The following CBLB variants were observed in gnomAD, a reference collection of about 807,000 sequenced individuals.
CBLB encodes the protein Cbl proto-oncogene B, also known as E3 ubiquitin-protein ligase CBL-B.
A neutral mutation model predicts 104.9 loss-of-function variants in CBLB; 31 were observed. The observed-to-expected ratio is 0.30, with a 90% CI of 0.22 to 0.40. The LOEUF (loss-of-function observed/expected upper bound fraction) is 0.40, where lower values mean the gene tolerates loss of function less well. Among genes scored for constraint, CBLB ranks in the 10% least tolerant of loss-of-function variants. The pLI is 1.00. For synonymous variants in CBLB, 440 were observed against 422.6 expected (o/e 1.04, Z -0.51); for missense variants, 1,062 against 1,214.6 (o/e 0.87, Z 1.87).
chr3:105,853,690 A>G, intron 2 of CBLB, 26 bp from the exon 3 acceptor site: 1 of 1,493,322 alleles, frequency 6.7e-7, no homozygotes, highest in Non-Finnish European at 9.2e-7. Context: ...AAAATAAAAT[A>G]AGTCATAATA....
intron 3 of CBLB, among the ~76,000 whole-genome samples, chr3:105,782,695 T>A (rs765869941): frequency 6.6e-6 from 1 of 151,634 alleles, no homozygotes; most frequent in Non-Finnish European, 1.5e-5. Flanking sequence ...CAAGCGATTC[T>A]CGTGTCTCAG....
At chr3:105,783,032 A>C (rs1339095553) in intron 3 of CBLB, among the ~76,000 whole-genome samples, 1 of 152,250 alleles carries the variant, frequency 6.6e-6, no homozygotes, top group Non-Finnish European at 1.5e-5. Flanking sequence ...ACATGAAATA[A>C]CATGCCAGCC....
intron 17 of CBLB, among the ~76,000 whole-genome samples, chr3:105,674,543 G>A (rs889874268): frequency 6.6e-6 from 1 of 152,196 alleles, no homozygotes; most frequent in Non-Finnish European, 1.5e-5. Flanking sequence ...ACTGTATTTT[G>A]TGCACTGCAC....
At chr3:105,847,392 CCACACACACA>C (rs112192218) in intron 3 of CBLB, among the ~76,000 whole-genome samples, 9 of 143,438 alleles carry the variant, frequency 6.3e-5, no homozygotes, top group Non-Finnish European at 9.2e-5. Flanking sequence ...TAACCCTCCA[CCACACACACA>C]CACACACACA....
intron 2 of CBLB, among the ~76,000 whole-genome samples, chr3:105,855,680 T>C (rs937407575): frequency 1.3e-5 from 2 of 152,196 alleles, no homozygotes; most frequent in Non-Finnish European, 2.9e-5. Flanking sequence ...AAACTGGAAG[T>C]ATATGCGGTA....
At chr3:105,683,273 C>A (rs572710653) in intron 14 of CBLB, among the ~76,000 whole-genome samples, 38 of 152,236 alleles carry the variant, frequency 2.5e-4, no homozygotes, top group African/African-American at 9.1e-4. Context: ...GAAAAATACA[C>A]ACAGGGAAAG....
rs571422397 is a variant in CBLB, at chr3:105,805,732, A to G, written c.420-29190T>C. Among the ~76,000 whole-genome samples, 3 of 152,290 alleles carry G rather than the reference A, an allele frequency of 2.0e-5. No homozygotes were observed. In the South Asian group the frequency reaches 6.2e-4, roughly 32 times the overall value. On this transcript the variant is annotated intron_variant, in intron 3 of 18. Transcript: ENST00000394030. ...CTCACATGGGTGTTTATCAAAATCC[A>G]TTCATCTCCTAGTGAAACTATCTCC... is the stretch of plus-strand genomic sequence containing the variant.
At chr3:105,846,659 G>A (rs1341552708) in intron 3 of CBLB, among the ~76,000 whole-genome samples, 1 of 152,028 alleles carries the variant, frequency 6.6e-6, no homozygotes, top group South Asian at 2.1e-4. Flanking sequence ...AGAACACTGG[G>A]AGAAGAAATG....
chr3:105,682,483 C>A (rs1017551833), intron 14 of CBLB, among the ~76,000 whole-genome samples: 4 of 152,058 alleles, frequency 2.6e-5, no homozygotes, highest in African/African-American at 9.7e-5. Context: ...GTACTACTTA[C>A]CAGAAAAGTA....
At chr3:105,684,208 G>A (rs186091009) in intron 14 of CBLB, among the ~76,000 whole-genome samples, 178 of 152,292 alleles carry the variant, frequency 1.2e-3, no homozygotes, top group Admixed American at 2.6e-3. Context: ...GCCACCAGCA[G>A]TACTTGAGCC....
intron 16 of CBLB, 100 bp from the exon 17 acceptor site, chr3:105,678,671 A>T: frequency 1.5e-6 from 2 of 1,322,084 alleles, no homozygotes; most frequent in Non-Finnish European, 2.1e-6. Context: ...GCTGCTTATA[A>T]AGAATTTCAC....
In CBLB at chr3:105,786,064, G is replaced by GGGC. The variant is rs1054694911; in HGVS notation, c.420-9523_420-9522insGCC. Among the ~76,000 whole-genome samples, 47 of 139,076 alleles carry GGGC rather than the reference G, an allele frequency of 3.4e-4. 2 individuals carry two copies. The highest frequency in any genetic ancestry group is 5.7e-4 in the Non-Finnish European group (37 of 64,534). 91.2% of individuals were successfully genotyped at this position (139,076 alleles called of 152,430 possible). On this transcript the variant is annotated intron_variant, in intron 3 of 18. Transcript: ENST00000394030. ...ACATAACACTGTGTGAGAGGATCGGGGGGGGGAAAGTGGGTAAAATGAAAG... is the reference window on the plus strand; with the variant it reads ...ACATAACACTGTGTGAGAGGATCGGGGGCGGGGGGAAAGTGGGTAAAATGAAAG...
At chr3:105,807,757 G>A (rs991442568) in intron 3 of CBLB, among the ~76,000 whole-genome samples, 1 of 152,180 alleles carries the variant, frequency 6.6e-6, no homozygotes, top group Admixed American at 6.5e-5. Context: ...AAGGTTATTC[G>A]GAATAACTTC....
chr3:105,852,386 A>C (rs1297405259), intron 3 of CBLB, among the ~76,000 whole-genome samples: 4 of 152,206 alleles, frequency 2.6e-5, no homozygotes, highest in African/African-American at 9.6e-5. Flanking sequence ...AGTTTTTAAA[A>C]AGTTTATAAA....
chr3:105,691,605 G>A (rs902966016), intron 13 of CBLB, among the ~76,000 whole-genome samples: 20 of 152,222 alleles, frequency 1.3e-4, no homozygotes, highest in Non-Finnish European at 4.4e-5. Context: ...GTTATCAAAG[G>A]TAATTGAGCT....
At chr3:105,819,815 C>T (rs1264952946) in intron 3 of CBLB, among the ~76,000 whole-genome samples, 1 of 151,970 alleles carries the variant, frequency 6.6e-6, no homozygotes, top group Non-Finnish European at 1.5e-5. Flanking sequence ...AAAATGTTAT[C>T]TTTATACCTG....
intron 3 of CBLB, among the ~76,000 whole-genome samples, chr3:105,780,165 A>T (rs570032472): frequency 1.3e-4 from 18 of 142,446 alleles, no homozygotes; most frequent in Admixed American, 9.9e-4. Context: ...ATACCCATTT[A>T]AAAAAAAAAA....
intron 18 of CBLB, among the ~76,000 whole-genome samples, chr3:105,667,337 T>C (rs1397200727): frequency 6.6e-6 from 1 of 152,130 alleles, no homozygotes; most frequent in Non-Finnish European, 1.5e-5. Flanking sequence ...CAAACTGTAG[T>C]ACAATATGTC....
intron 8 of CBLB, among the ~76,000 whole-genome samples, chr3:105,736,279 C>T (rs1160179865): frequency 1.3e-5 from 2 of 152,182 alleles, no homozygotes; most frequent in African/African-American, 4.8e-5. Flanking sequence ...GTTAAATCTT[C>T]TTACCAGTTT....
Sources: gnomAD v4.1 joint callset for allele counts (sites outside exome capture counted in the v4.1 genomes callset) on GRCh38, gnomAD v4.1.1 for gene constraint, MANE v1.5 for transcripts, NCBI Gene and HGNC (gene_info 2026-07-23, HGNC 2026-07-21) for gene names.